NELL1: variants seen among roughly 807,000 people sequenced by gnomAD.
NELL1 encodes the protein neural EGFL like 1, also known as protein kinase C-binding protein NELL1.
A neutral mutation model predicts 107.4 loss-of-function variants in NELL1; 76 were observed. The ratio of observed to expected loss-of-function variants is 0.71; its 90% CI spans 0.59 to 0.86. The LOEUF is 0.86. Ranked by LOEUF, NELL1 falls within the 40% of genes least tolerant of loss-of-function variation. The probability of loss-of-function intolerance (pLI) is 0.00; values close to 1 mark genes in which losing one functional copy is unlikely to be tolerated. For missense variants in NELL1, 1,024 were observed against 1,005.5 expected (o/e 1.02, Z -0.25); for synonymous variants, 353 against 341.2 (o/e 1.03, Z -0.38).
intron 2 of NELL1, among the ~76,000 whole-genome samples, chr11:20,710,337 A>G (rs1224692563): frequency 6.6e-6 from 1 of 152,096 alleles, no homozygotes; most frequent in Admixed American, 6.5e-5. Flanking sequence ...TGTCTGTGTG[A>G]TGTAGCACAT....
rs573609973 is a variant in NELL1, at chr11:20,751,175, T to C, written c.185-32505T>C. On this transcript the variant is annotated intron_variant, in intron 2 of 19. Transcript: ENST00000357134. ...AATCAGGCAGTAGAAGAATTCCAAC[T>C]TTTTTTTTTTTATGACTGCTTTTCT... Among the ~76,000 whole-genome samples the C allele has an allele frequency of 4.2e-5, 6 of 141,670 alleles. No individual in the cohort carries two copies. In the South Asian group the frequency reaches 1.3e-3, roughly 31 times the overall value. 92.9% of individuals were successfully genotyped at this position (141,670 alleles called of 152,430 possible).
At chr11:21,053,294 C>T (rs1484051355) in intron 12 of NELL1, among the ~76,000 whole-genome samples, 1 of 152,102 alleles carries the variant, frequency 6.6e-6, no homozygotes, top group Admixed American at 6.6e-5. Flanking sequence ...TGACAGGCCC[C>T]AGTGTGTGAT....
At chr11:21,035,719 C>T (rs1029953385) in intron 12 of NELL1, among the ~76,000 whole-genome samples, 2 of 151,974 alleles carry the variant, frequency 1.3e-5, no homozygotes, top group Non-Finnish European at 2.9e-5. Context: ...AACTGGGTAT[C>T]GAAGGAACAT....
intron 12 of NELL1, among the ~76,000 whole-genome samples, chr11:20,998,158 A>C (rs1459892743): frequency 6.6e-6 from 1 of 152,168 alleles, no homozygotes; most frequent in Non-Finnish European, 1.5e-5. Flanking sequence ...GAATATTAAG[A>C]AGTGAAAAAC....
intron 13 of NELL1, among the ~76,000 whole-genome samples, chr11:21,150,742 A>C (rs951540472): frequency 1.3e-5 from 2 of 152,112 alleles, no homozygotes; most frequent in Non-Finnish European, 2.9e-5. Flanking sequence ...ATTTGTCTGG[A>C]GTGAGACCCA....
At chr11:20,899,487 C>G (rs1849825211) in intron 5 of NELL1, among the ~76,000 whole-genome samples, 1 of 152,116 alleles carries the variant, frequency 6.6e-6, no homozygotes, top group South Asian at 2.1e-4. Context: ...CAATTCTTAG[C>G]AGTATTTATC....
chr11:20,789,354 T>C (rs1024284177), intron 3 of NELL1, among the ~76,000 whole-genome samples: 2 of 152,166 alleles, frequency 1.3e-5, no homozygotes, highest in Non-Finnish European at 2.9e-5. Flanking sequence ...ACCGGCAGGG[T>C]TACCAACTCT....
intron 12 of NELL1, among the ~76,000 whole-genome samples, chr11:21,017,505 G>A (rs1223302122): frequency 6.6e-6 from 1 of 151,966 alleles, no homozygotes; most frequent in Non-Finnish European, 1.5e-5. Context: ...TACATGGAGT[G>A]GCTTCTGTTT....
chr11:21,232,249 G>A (rs1364204960), intron 14 of NELL1, among the ~76,000 whole-genome samples: 9 of 147,298 alleles, frequency 6.1e-5, no homozygotes, highest in African/African-American at 1.3e-4. Flanking sequence ...CGAATTGCTC[G>A]AACCTGGGAG....
At chr11:20,925,996 A>G (rs1308985953) in intron 7 of NELL1, among the ~76,000 whole-genome samples, 2 of 152,200 alleles carry the variant, frequency 1.3e-5, no homozygotes, top group Non-Finnish European at 2.9e-5. Context: ...GTGGCTCAAA[A>G]TAATCTTAGT....
chr11:21,558,780 CT>C (rs979017900), intron 16 of NELL1, among the ~76,000 whole-genome samples: 11 of 151,942 alleles, frequency 7.2e-5, no homozygotes, highest in Admixed American at 6.6e-4. Flanking sequence ...AAAGTAAGAG[CT>C]TGGTTTCAAA....
chr11:20,941,655 T>C (rs1419505798), intron 10 of NELL1, among the ~76,000 whole-genome samples: 2 of 152,254 alleles, frequency 1.3e-5, no homozygotes, highest in Non-Finnish European at 2.9e-5. Context: ...GTCAAACCTA[T>C]TCCTTTTCTG....
At chr11:21,547,109 A>G (rs914797619) in intron 16 of NELL1, among the ~76,000 whole-genome samples, 2 of 151,454 alleles carry the variant, frequency 1.3e-5, no homozygotes, top group African/African-American at 4.9e-5. Context: ...AATCAGTAAA[A>G]CATAAAAGAC....
intron 2 of NELL1, 73 bp from the exon 3 acceptor site, chr11:20,783,607 A>T (rs781420231): frequency 3.7e-6 from 4 of 1,073,472 alleles, no homozygotes; most frequent in African/African-American, 3.2e-5. Context: ...TCTTTCTCCT[A>T]TATTTCTTCT....
intron 12 of NELL1, among the ~76,000 whole-genome samples, chr11:21,022,414 G>A (rs1366759720): frequency 6.6e-6 from 1 of 152,102 alleles, no homozygotes; most frequent in African/African-American, 2.4e-5. Context: ...TTGCATAAAA[G>A]GAAATTAGGC....
intron 14 of NELL1, among the ~76,000 whole-genome samples, chr11:21,358,490 C>T (rs1292980143): frequency 6.6e-6 from 1 of 151,752 alleles, no homozygotes; most frequent in African/African-American, 2.4e-5. Flanking sequence ...ACCTCTGCTC[C>T]CAGGTTCAAG....
chr11:20,915,709 ATATATATAT>A (rs1850232353), intron 5 of NELL1, among the ~76,000 whole-genome samples: 1 of 55,196 alleles, frequency 1.8e-5, no homozygotes, highest in African/African-American at 1.0e-4. Flanking sequence ...TGATATATAT[ATATATATAT>A]TTTTTTTTTT....
At chr11:20,952,155 C>A (rs531261081) in intron 11 of NELL1, among the ~76,000 whole-genome samples, 14 of 152,238 alleles carry the variant, frequency 9.2e-5, no homozygotes, top group Non-Finnish European at 1.9e-4. Context: ...TTGACATACT[C>A]CTCAGGGTTT....
chr11:20,910,798 A>G (rs1484177589), intron 5 of NELL1, among the ~76,000 whole-genome samples: 1 of 152,226 alleles, frequency 6.6e-6, no homozygotes, highest in African/African-American at 2.4e-5. Context: ...TATACTGTTA[A>G]TGAATGAATG....
Sources: gnomAD v4.1 joint callset for allele counts (sites outside exome capture counted in the v4.1 genomes callset) on GRCh38, gnomAD v4.1.1 for gene constraint, MANE v1.5 for transcripts, NCBI Gene and HGNC (gene_info 2026-07-23, HGNC 2026-07-21) for gene names.